The following DOK6 variants were observed in gnomAD, a reference collection of about 807,000 sequenced individuals.
The protein encoded by DOK6 is docking protein 6.
Under a neutral mutation model 44.0 loss-of-function variants are expected in DOK6, and 22 were observed. The ratio of observed to expected loss-of-function variants is 0.50; its 90% confidence interval spans 0.36 to 0.71. DOK6 has a LOEUF of 0.71. Ranked by LOEUF, DOK6 falls within the 30% of genes least tolerant of loss-of-function variation. DOK6 has a pLI of 0.00. For synonymous variants in DOK6, 166 were observed against 145.5 expected (o/e 1.14, Z -1.01); for missense variants, 340 against 416.4 (o/e 0.82, Z 1.60).
chr18:69,507,230 T>C (rs1215216221), intron 1 of DOK6, among the ~76,000 whole-genome samples: 1 of 152,054 alleles, frequency 6.6e-6, no homozygotes, highest in Non-Finnish European at 1.5e-5. Context: ...GGTTTCACCG[T>C]GTTAGCCAGA....
At chr18:69,530,584 A>G (rs1356614519) in intron 1 of DOK6, among the ~76,000 whole-genome samples, 3 of 152,232 alleles carry the variant, frequency 2.0e-5, no homozygotes, top group Admixed American at 6.5e-5. Context: ...AGAAGTATCA[A>G]TGAAAAAAAA....
At chr18:69,647,280 T>G (rs1395822259) in intron 3 of DOK6, 1 of 152,204 alleles carries the variant, frequency 6.6e-6, no homozygotes, top group Non-Finnish European at 1.5e-5. Flanking sequence ...AAGTGAAGTT[T>G]ATATGTTTGT....
chr18:69,446,505 C>T (rs527681098), intron 1 of DOK6, among the ~76,000 whole-genome samples: 1 of 152,002 alleles, frequency 6.6e-6, no homozygotes, highest in South Asian at 2.1e-4. Context: ...TGAGTAGTGC[C>T]ACAATAAACA....
chr18:69,659,938 ATATATATAACATATATGTATGTTT>A lies in DOK6; in HGVS notation c.290-17787_290-17764del, dbSNP rs1378189514. On this transcript the variant is annotated intron_variant, in intron 3 of 7. Transcript: ENST00000382713. The stretch of plus-strand genomic sequence containing the variant: ...TATATATAACATATATGTATGTTTT[ATATATATAACATATATGTATGTTT>A]TATATATATATATGTATATAAAGAA... The A allele has an allele frequency of 2.1e-3, 237 of 114,104 alleles. 16 individuals are homozygous for A. Among genetic ancestry groups the A allele is most frequent in the African/African-American group, 6.5e-3 (231 of 35,294 alleles). The allele number at this position is 114,104 out of a possible 1,614,324, so 7.1% of individuals were successfully genotyped here. A position where few individuals can be genotyped will look rare whatever the true frequency, so the allele number is the denominator to read the frequency against.
chr18:69,727,508 A>G (rs1334067588), intron 5 of DOK6, among the ~76,000 whole-genome samples: 2 of 152,228 alleles, frequency 1.3e-5, no homozygotes, highest in African/African-American at 2.4e-5. Flanking sequence ...CCCCCAAGTG[A>G]TTGTAGAAGG....
At chr18:69,634,158 A>G (rs1260840818) in intron 3 of DOK6, among the ~76,000 whole-genome samples, 1 of 152,132 alleles carries the variant, frequency 6.6e-6, no homozygotes. Context: ...AATTGACTTG[A>G]GTTCAGCACC....
chr18:69,611,671 A>T (rs1984143471), intron 3 of DOK6, among the ~76,000 whole-genome samples: 1 of 152,238 alleles, frequency 6.6e-6, no homozygotes, highest in African/African-American at 2.4e-5. Flanking sequence ...TATATGCAGC[A>T]GCCTGGATGA....
chr18:69,630,010 C>T (rs1335718354), intron 3 of DOK6, among the ~76,000 whole-genome samples: 6 of 152,106 alleles, frequency 3.9e-5, no homozygotes, highest in Non-Finnish European at 5.9e-5. Context: ...GGGTGATCCA[C>T]CTGCCTCAGC....
chr18:69,614,446 C>G (rs969375582), intron 3 of DOK6, among the ~76,000 whole-genome samples: 3 of 152,102 alleles, frequency 2.0e-5, no homozygotes, highest in Admixed American at 6.5e-5. Context: ...AGGTATGCAA[C>G]TTGATGTTTC....
At chr18:69,514,575 C>T (rs953108816) in intron 1 of DOK6, among the ~76,000 whole-genome samples, 28 of 152,072 alleles carry the variant, frequency 1.8e-4, no homozygotes, top group Admixed American at 5.2e-4. Context: ...TTCATATAGA[C>T]AGTTCTGTTA....
chr18:69,412,698 ATTTC>A (rs1978311461), intron 1 of DOK6, among the ~76,000 whole-genome samples: 1 of 152,154 alleles, frequency 6.6e-6, no homozygotes, highest in Non-Finnish European at 1.5e-5. Context: ...GCTACTTGTC[ATTTC>A]TTTATTTCAG....
At chr18:69,457,886 G>C (rs1979673410) in intron 1 of DOK6, among the ~76,000 whole-genome samples, 1 of 152,174 alleles carries the variant, frequency 6.6e-6, no homozygotes, top group South Asian at 2.1e-4. Context: ...GCTCACGCCT[G>C]TAATCTCAGC....
At chr18:69,609,510 T>TA (rs570317288) in intron 3 of DOK6, among the ~76,000 whole-genome samples, 1 of 150,020 alleles carries the variant, frequency 6.7e-6, no homozygotes, top group African/African-American at 2.4e-5. Flanking sequence ...AATAAATAAA[T>TA]AATAAAATGA....
At chr18:69,529,177 G>T (rs1013223413) in intron 1 of DOK6, among the ~76,000 whole-genome samples, 4 of 152,162 alleles carry the variant, frequency 2.6e-5, no homozygotes, top group African/African-American at 4.8e-5. Context: ...AACCGGAATA[G>T]GAGTGATATA....
intron 5 of DOK6, among the ~76,000 whole-genome samples, chr18:69,702,612 G>T (rs987126999): frequency 2.0e-5 from 3 of 152,192 alleles, no homozygotes; most frequent in African/African-American, 4.8e-5. Context: ...AAAAACATGT[G>T]CTTCTGTTGA....
chr18:69,545,968 A>G (rs1001243038), intron 1 of DOK6, among the ~76,000 whole-genome samples: 2 of 151,526 alleles, frequency 1.3e-5, no homozygotes, highest in African/African-American at 4.8e-5. Context: ...AGATGCATAT[A>G]TTCATGTATA....
At chr18:69,806,489 G>T (rs1981055209) in intron 7 of DOK6, among the ~76,000 whole-genome samples, 1 of 151,864 alleles carries the variant, frequency 6.6e-6, no homozygotes, top group South Asian at 2.1e-4. Context: ...TATGTATTAA[G>T]CAGGAAACTA....
intron 1 of DOK6, among the ~76,000 whole-genome samples, chr18:69,512,017 C>T (rs886374814): frequency 6.6e-6 from 1 of 152,094 alleles, no homozygotes; most frequent in African/African-American, 2.4e-5. Context: ...TTGACCCTGA[C>T]GATCACAATA....
At chr18:69,489,282 A>G (rs1980670274) in intron 1 of DOK6, among the ~76,000 whole-genome samples, 1 of 152,198 alleles carries the variant, frequency 6.6e-6, no homozygotes, top group Admixed American at 6.5e-5. Context: ...GTCAGTACAA[A>G]TACTAAAGGT....
Sources: allele counts gnomAD v4.1 joint callset (sites outside exome capture counted in the v4.1 genomes callset), GRCh38; gene constraint gnomAD v4.1.1; transcripts MANE v1.5; gene names NCBI Gene and HGNC (gene_info 2026-07-23, HGNC 2026-07-21).